CMIP: variants seen among roughly 807,000 people sequenced by gnomAD.
CMIP encodes C-Maf-inducing protein.
A neutral mutation model predicts 97.3 loss-of-function variants in CMIP; 13 were observed. That is an observed-to-expected ratio of 0.13 (90% CI 0.09 to 0.21). The LOEUF (loss-of-function observed/expected upper bound fraction) is 0.21, where lower values mean the gene tolerates loss of function less well. Ranked by LOEUF, CMIP falls within the 10% of genes least tolerant of loss-of-function variation. The pLI is 1.00. For missense variants in CMIP, 847 were observed against 1,024.9 expected, an observed-to-expected ratio of 0.83 and a Z score of 2.37; for synonymous variants, 538 against 436.3, an observed-to-expected ratio of 1.23 and a Z score of -2.91.
In CMIP at chr16:81,696,838, G is replaced by A. The variant is rs538799203; in HGVS notation, c.1638+171G>A. On this transcript the variant is annotated intron_variant, in intron 14 of 20. Transcript: ENST00000537098. ...GGTGGTGGTGATGGTGACCGTGACT[G>A]TCACTTACTCATTTCTTATCTGAGG... is the stretch of plus-strand genomic sequence containing the variant. The A allele has an allele frequency of 2.9e-4, 183 of 637,658 alleles. No homozygotes were observed. In the African/African-American group the frequency reaches 3.1e-3, roughly 11 times the overall value. The allele number at this position is 637,658 out of a possible 1,614,324, so 39.5% of individuals were successfully genotyped here.
intron 1 of CMIP, among the ~76,000 whole-genome samples, chr16:81,584,822 C>T (rs1173624771): frequency 3.3e-5 from 5 of 152,360 alleles, no homozygotes; most frequent in East Asian, 1.9e-4. Flanking sequence ...AGGAACGCTT[C>T]TGCAAGGAAG....
At chr16:81,463,614 C>G (rs569785564) in intron 1 of CMIP, among the ~76,000 whole-genome samples, 1 of 152,166 alleles carries the variant, frequency 6.6e-6, no homozygotes, top group Admixed American at 6.5e-5. Flanking sequence ...AGGGCTGGAC[C>G]GGGTGAAATA....
chr16:81,540,062 TCTC>T lies in CMIP; in HGVS notation c.301-67504_301-67502del, dbSNP rs546002688. On this transcript the variant is annotated intron_variant, in intron 1 of 20. Transcript: ENST00000537098. ...AGTAGTTCTCTAATTTGCACAGTAA[TCTC>T]AGCCACCTTGAAAGGTCGTTTTTAG... Among the ~76,000 whole-genome samples, 341 of 152,284 alleles carry T rather than the reference TCTC, an allele frequency of 2.2e-3. 1 individual carries two copies. Among genetic ancestry groups the T allele is most frequent in the African/African-American group, 7.6e-3 (316 of 41,550 alleles).
At position 81,472,059 on chromosome 16, in the gene CMIP, A is replaced by G. The variant is rs573083631; in HGVS notation, c.300+26518A>G. Among the ~76,000 whole-genome samples the G allele has an allele frequency of 2.0e-4, 31 of 152,282 alleles. No individual in the cohort carries two copies. In the South Asian group the frequency reaches 4.4e-3, roughly 21 times the overall value. On this transcript the variant is annotated intron_variant, in intron 1 of 20. Transcript: ENST00000537098. ...GGACATGTACATGCATATGCACTCA[A>G]TGTATATGCCGTGTACACACACACT...
At chr16:81,706,818 C>T (rs758750213) in intron 19 of CMIP, among the ~76,000 whole-genome samples, 196 bp from the exon 20 acceptor site, 12 of 152,178 alleles carry the variant, frequency 7.9e-5, no homozygotes, top group Non-Finnish European at 1.6e-4. Context: ...TCTGTTCAGA[C>T]CAGCACGTGC....
intron 1 of CMIP, among the ~76,000 whole-genome samples, chr16:81,535,964 G>T (rs909979386): frequency 6.6e-6 from 1 of 152,140 alleles, no homozygotes; most frequent in Non-Finnish European, 1.5e-5. Flanking sequence ...AGAGAGAGTC[G>T]TGTCACCTGA....
chr16:81,576,102 T>A (rs1289756548), intron 1 of CMIP, among the ~76,000 whole-genome samples: 1 of 152,122 alleles, frequency 6.6e-6, no homozygotes, highest in Non-Finnish European at 1.5e-5. Context: ...CTTGCATACC[T>A]CTAAGCAAGA....
chr16:81,650,501 A>C (rs1157886753), intron 3 of CMIP, among the ~76,000 whole-genome samples: 1 of 151,020 alleles, frequency 6.6e-6, no homozygotes, highest in Non-Finnish European at 1.5e-5. Context: ...GGGAATGAAA[A>C]CCGTCTTTGG....
At chr16:81,647,089 C>T (rs984415180) in intron 3 of CMIP, among the ~76,000 whole-genome samples, 1 of 152,244 alleles carries the variant, frequency 6.6e-6, no homozygotes, top group Non-Finnish European at 1.5e-5. Context: ...ACAAGATTCC[C>T]AGTTTCTCCA....
chr16:81,599,001 C>T (rs918749523), intron 1 of CMIP, among the ~76,000 whole-genome samples: 5 of 145,756 alleles, frequency 3.4e-5, no homozygotes, highest in Non-Finnish European at 7.5e-5. Context: ...GAGTAGTAAC[C>T]TTTTGAGGGC....
intron 1 of CMIP, among the ~76,000 whole-genome samples, chr16:81,540,521 G>T (rs1211802471): frequency 2.0e-5 from 3 of 152,106 alleles, no homozygotes; most frequent in Non-Finnish European, 2.9e-5. Context: ...GGCAGGGCTT[G>T]AACTCCTGGG....
chr16:81,447,090 G>A (rs1342715542), intron 1 of CMIP, among the ~76,000 whole-genome samples: 8 of 152,220 alleles, frequency 5.3e-5, no homozygotes, highest in Non-Finnish European at 8.8e-5. Context: ...AATGGATGGA[G>A]GCGGGAGAGA....
chr16:81,553,537 C>T (rs11648925), intron 1 of CMIP, among the ~76,000 whole-genome samples: 58,753 of 152,102 alleles, frequency 0.39, 14,007 homozygotes, highest in Non-Finnish European at 0.52. Context: ...GCGCCAGCTT[C>T]GAACAGGGGA....
chr16:81,472,534 C>T (rs1209301791), intron 1 of CMIP, among the ~76,000 whole-genome samples: 1 of 152,232 alleles, frequency 6.6e-6, no homozygotes, highest in Non-Finnish European at 1.5e-5. Context: ...GTGTCAGCTA[C>T]ATGCCATGCC....
chr16:81,511,782 G>A (rs1434314841), intron 1 of CMIP, among the ~76,000 whole-genome samples: 4 of 152,036 alleles, frequency 2.6e-5, no homozygotes, highest in East Asian at 1.9e-4. Flanking sequence ...GGCTGGTCTC[G>A]AACTCCTGGG....
chr16:81,544,683 G>C (rs1185472737), intron 1 of CMIP, among the ~76,000 whole-genome samples: 1 of 151,364 alleles, frequency 6.6e-6, no homozygotes, highest in Non-Finnish European at 1.5e-5. Context: ...TGGTGTATGG[G>C]TATTTGTATG....
chr16:81,706,880 G>A (rs1908208989), intron 19 of CMIP, 134 bp from the exon 20 acceptor site: 5 of 723,452 alleles, frequency 6.9e-6, no homozygotes, highest in African/African-American at 1.8e-5. Context: ...CTGTGTCTAC[G>A]AAACCTCCCT....
intron 1 of CMIP, among the ~76,000 whole-genome samples, chr16:81,602,351 G>A (rs1308460733): frequency 6.6e-6 from 1 of 152,256 alleles, no homozygotes; most frequent in Non-Finnish European, 1.5e-5. Context: ...GAGTGCTAAT[G>A]AGTGGTCTTG....
intron 1 of CMIP, chr16:81,520,372 A>G (rs1463270159): frequency 2.0e-5 from 3 of 152,212 alleles, no homozygotes; most frequent in African/African-American, 4.8e-5. Context: ...AGCAATTTCT[A>G]TGCTGTAGAG....
Sources: gnomAD v4.1 joint callset for allele counts (sites outside exome capture counted in the v4.1 genomes callset) on GRCh38, gnomAD v4.1.1 for gene constraint, MANE v1.5 for transcripts, NCBI Gene and HGNC (gene_info 2026-07-23, HGNC 2026-07-21) for gene names.